SLC14A2: variants seen among roughly 807,000 people sequenced by gnomAD.
The protein encoded by SLC14A2 is solute carrier family 14 member 2.
A neutral mutation model predicts 104.6 loss-of-function variants in SLC14A2; 91 were observed. The observed-to-expected ratio is 0.87, with a 90% CI of 0.73 to 1.04. The LOEUF is 1.04. Ranked by LOEUF, SLC14A2 falls within the 50% of genes least tolerant of loss-of-function variation. The pLI, the probability that SLC14A2 is intolerant of heterozygous loss-of-function variation, is 0.00. For missense variants in SLC14A2, 1,189 were observed against 1,156.0 expected (o/e 1.03, Z -0.41); for synonymous variants, 476 against 466.4 (o/e 1.02, Z -0.27).
chr18:45,378,893 G>A (rs993465391), intron 1 of SLC14A2, among the ~76,000 whole-genome samples: 2 of 152,254 alleles, frequency 1.3e-5, no homozygotes, highest in Non-Finnish European at 2.9e-5. Flanking sequence ...TTACAGGCGT[G>A]AGCCACCGCT....
chr18:45,559,078 T>C (rs546764736), intron 2 of SLC14A2, among the ~76,000 whole-genome samples: 1 of 152,244 alleles, frequency 6.6e-6, no homozygotes, highest in African/African-American at 2.4e-5. Flanking sequence ...CATGAGCCAC[T>C]GCACCTGGCC....
In SLC14A2 at chr18:45,259,341, G is replaced by A. The variant is rs567040652; in HGVS notation, c.-125+46150G>A. Reference sequence around the variant, plus strand: ...GAGAGAAATGACAACCCAGGGCAGGGGAAAGAAACAGCATTTGGATAATTC... The same window carrying A: ...GAGAGAAATGACAACCCAGGGCAGGAGAAAGAAACAGCATTTGGATAATTC... On this transcript the variant is annotated intron_variant, in intron 1 of 20. Transcript: ENST00000586448. Among the ~76,000 whole-genome samples the A allele has an allele frequency of 3.3e-5, 5 of 152,250 alleles. No homozygotes were observed. In the South Asian group the frequency reaches 1.0e-3, roughly 32 times the overall value.
At chr18:45,276,320 C>T (rs8083922) in intron 1 of SLC14A2, among the ~76,000 whole-genome samples, 2,162 of 152,284 alleles carry the variant, frequency 0.014, 57 homozygotes, top group African/African-American at 0.049. Context: ...ATTTTCAGTG[C>T]AGGTGCCTGG....
At chr18:45,556,634 G>A (rs112702732) in intron 2 of SLC14A2, among the ~76,000 whole-genome samples, 48 of 152,292 alleles carry the variant, frequency 3.2e-4, no homozygotes, top group South Asian at 1.2e-3. Context: ...CATGGGATTC[G>A]TGTGAAGATT....
chr18:45,663,954 T>C, intron 11 of SLC14A2, 47 bp downstream of exon 11: 2 of 1,555,246 alleles, frequency 1.3e-6, no homozygotes, highest in South Asian at 1.2e-5. Context: ...CTTCCTAGTC[T>C]CTAATAAAAC....
intron 2 of SLC14A2, among the ~76,000 whole-genome samples, chr18:45,490,392 C>T (rs893017779): frequency 1.3e-5 from 2 of 152,132 alleles, no homozygotes; most frequent in African/African-American, 4.8e-5. Flanking sequence ...CAGAAATTGG[C>T]TCTTCATATT....
At chr18:45,299,047 T>G (rs2084942930) in intron 1 of SLC14A2, among the ~76,000 whole-genome samples, 1 of 152,338 alleles carries the variant, frequency 6.6e-6, no homozygotes. Flanking sequence ...AGTTTTGTTT[T>G]GCAAATTAGA....
chr18:45,194,371 T>C, the SLC14A2 span, among the ~76,000 whole-genome samples: 1 of 152,236 alleles, frequency 6.6e-6, no homozygotes, highest in Non-Finnish European at 1.5e-5. Flanking sequence ...AGTCCTCTTC[T>C]ATTCCTAATT....
At chr18:45,612,847 G>C (rs2044994228), upstream of SLC14A2, among the ~76,000 whole-genome samples, 1 of 152,154 alleles carries the variant, frequency 6.6e-6, no homozygotes, top group African/African-American at 2.4e-5. Context: ...AGGTCTGATA[G>C]TTTTATAAGT....
At chr18:45,424,067 C>T (rs1952535677) in intron 1 of SLC14A2, 2 of 152,186 alleles carry the variant, frequency 1.3e-5, no homozygotes, top group South Asian at 4.1e-4. Context: ...CTGGAGAGGT[C>T]CCTGAGATGG....
intron 1 of SLC14A2, among the ~76,000 whole-genome samples, chr18:45,260,777 A>G (rs1304677351): frequency 6.6e-6 from 1 of 152,096 alleles, no homozygotes; most frequent in African/African-American, 2.4e-5. Context: ...ATTTACTGGG[A>G]GCTAAACATT....
intron 2 of SLC14A2, among the ~76,000 whole-genome samples, chr18:45,505,959 G>A (rs752353258): frequency 6.6e-5 from 10 of 152,084 alleles, no homozygotes; most frequent in Admixed American, 5.9e-4. Context: ...GGGAGGAAGG[G>A]CCAAGCTGAA....
intron 1 of SLC14A2, among the ~76,000 whole-genome samples, chr18:45,475,658 T>TATATATATATTTAGG (rs2087358804): frequency 1.1e-5 from 1 of 89,950 alleles, no homozygotes; most frequent in African/African-American, 5.9e-5. Flanking sequence ...TATATATATA[T>TATATATATATTTAGG]ATATATATAT....
In SLC14A2 at chr18:45,345,448, T is replaced by C. The variant is rs1026813525; in HGVS notation, c.-125+132257T>C. On this transcript the variant is annotated intron_variant, in intron 1 of 20. Transcript: ENST00000586448. Reference sequence around the variant, plus strand: ...TCAGGAGTGAAGCCTTCTCAGATCATGCCATGCACGTGATGTCCTGCAAAA... The same window carrying C: ...TCAGGAGTGAAGCCTTCTCAGATCACGCCATGCACGTGATGTCCTGCAAAA... Among the ~76,000 whole-genome samples, 5 of 152,294 alleles carry C rather than the reference T, an allele frequency of 3.3e-5. No homozygotes were observed. The South Asian group carries it at 8.3e-4, about 25-fold the overall frequency.
At position 45,625,799 on chromosome 18, in the gene SLC14A2, CT is replaced by C; in HGVS notation, c.268del (p.Cys90AlafsTer13). The C allele has an allele frequency of 1.9e-6, 3 of 1,543,208 alleles. No individual in the cohort carries two copies. In the South Asian group the frequency reaches 3.8e-5, roughly 20 times the overall value. On this transcript the variant is annotated frameshift_variant, in exon 3 of 20. Coordinates refer to ENST00000255226, the MANE Select transcript of SLC14A2 (RefSeq NM_007163.4). LOFTEE classifies it high-confidence loss of function. The stretch of plus-strand genomic sequence containing the variant: ...GGGACTCAGCAGGCCAAAGGTGCAT[CT>C]GCCTCTCCAAAGCAGTGGGCTACCT... ...HRDSAGQRCICLSKAVGYLTG... is the reference protein window; with the variant it reads ...HRDSAGQRCIXLSKAVGYLTG...
chr18:45,585,877 G>A (rs555435070), intron 2 of SLC14A2, among the ~76,000 whole-genome samples: 1 of 152,302 alleles, frequency 6.6e-6, no homozygotes, highest in South Asian at 2.1e-4. Context: ...AGCAGAACTG[G>A]TTACACCCTA....
intron 1 of SLC14A2, among the ~76,000 whole-genome samples, chr18:45,400,521 T>G (rs754418654): frequency 1.6e-4 from 25 of 152,232 alleles, no homozygotes; most frequent in Non-Finnish European, 2.9e-4. Flanking sequence ...AGGTGGCATC[T>G]TCCACTTTCT....
intron 1 of SLC14A2, among the ~76,000 whole-genome samples, chr18:45,377,202 C>T (rs2085784528): frequency 6.6e-6 from 1 of 152,010 alleles, no homozygotes; most frequent in African/African-American, 2.4e-5. Context: ...CCTCAGCTTA[C>T]ATCTCTTGAA....
chr18:45,516,833 A>G (rs924071104), intron 2 of SLC14A2, among the ~76,000 whole-genome samples: 1 of 152,222 alleles, frequency 6.6e-6, no homozygotes, highest in Non-Finnish European at 1.5e-5. Context: ...GTGGGGGTTA[A>G]GTTAGTGTTG....
Sources: allele counts gnomAD v4.1 joint callset (sites outside exome capture counted in the v4.1 genomes callset), GRCh38; gene constraint gnomAD v4.1.1; transcripts MANE v1.5; gene names NCBI Gene and HGNC (gene_info 2026-07-23, HGNC 2026-07-21).